The following FAM83E variants were observed in gnomAD, a reference collection of about 807,000 sequenced individuals.
The protein encoded by FAM83E is scaffolding CK1 anchoring protein E.
A neutral mutation model predicts 34.3 loss-of-function variants in FAM83E; 29 were observed. The observed-to-expected ratio is 0.85, with a 90% CI of 0.63 to 1.15. The LOEUF (loss-of-function observed/expected upper bound fraction) is 1.15. FAM83E is among the 50% of genes most tolerant of loss of function. The probability of loss-of-function intolerance (pLI) is 0.00; values close to 1 mark genes in which losing one functional copy is unlikely to be tolerated. For synonymous variants in FAM83E, 312 were observed against 311.6 expected, an observed-to-expected ratio of 1.00 and a Z score of -0.01; for missense variants, 697 against 685.0, an observed-to-expected ratio of 1.02 and a Z score of -0.20.
At chr19:48,612,347 G>A (rs1173401082) in intron 3 of FAM83E, among the ~76,000 whole-genome samples, 2 of 151,944 alleles carry the variant, frequency 1.3e-5, no homozygotes, top group Non-Finnish European at 2.9e-5. Flanking sequence ...TAGGTTCAAG[G>A]GGCATCGATA....
chr19:48,603,718 G>C lies in FAM83E; in HGVS notation c.952C>G (p.Arg318Gly). The stretch of plus-strand genomic sequence containing the variant: ...GGAGGCGACGCGGGGGCCACGGAGC[G>C]GCGGCGGGACACGCGGTGCGGGCTG... ...GRSPHRVSRR[R>G]SVAPASPPPP... The change falls in exon 6 of 7, where the codon CGC (arginine) becomes GGC (glycine). Residue 318 changes from arginine (R) to glycine (G), a missense_variant. Transcript: ENST00000263266. 2.1e-6 allele frequency: 3 copies of C among 1,437,582 alleles called. No individual in the cohort carries two copies. The highest frequency in any genetic ancestry group is 2.7e-6 in the Non-Finnish European group (3 of 1,101,008). 89.1% of individuals were successfully genotyped at this position (1,437,582 alleles called of 1,614,324 possible).
At chr19:48,612,691 C>T (rs1233262558) in intron 3 of FAM83E, among the ~76,000 whole-genome samples, 2 of 152,108 alleles carry the variant, frequency 1.3e-5, no homozygotes, top group Admixed American at 6.6e-5. Flanking sequence ...CGTGAGCCAC[C>T]GCGCCCGGCC....
chr19:48,613,429 CTG>C lies in FAM83E; in HGVS notation c.-59_-58del. 1 of 1,462,188 alleles carries C rather than the reference CTG, an allele frequency of 6.8e-7. No individual in the cohort carries two copies. The highest frequency in any genetic ancestry group is 9.0e-7 in the Non-Finnish European group (1 of 1,108,730). 90.6% of individuals were successfully genotyped at this position (1,462,188 alleles called of 1,614,324 possible). A position where few individuals can be genotyped will look rare whatever the true frequency, so the allele number is the denominator to read the frequency against. On this transcript the variant is annotated 5_prime_UTR_variant, in exon 3 of 7. The change creates a premature stop within an existing upstream ORF in the 5' untranslated region. Transcript: ENST00000263266. ...AGAGGCTGGGTCCCCGGGGGTCTGG[CTG>C]TCTCTGGGGACTGTGATCATCTGGG...
rs529880648 is a variant in FAM83E at position 48,603,825 on chromosome 19, C to T, written c.845G>A (p.Arg282Gln). The change falls in exon 6 of 7, where the codon CGG (arginine) becomes CAG (glutamine). Residue 282 changes from arginine (R) to glutamine (Q), a missense_variant. Physicochemically the swap from Arg to Gln is conservative, Grantham distance 43. Transcript: ENST00000263266. ...EIVDAFSLEF[R>Q]TLYAASCPLP... The stretch of plus-strand genomic sequence containing the variant: ...CGGGCAGGAGGCCGCGTACAGCGTC[C>T]GGAACTCAAGGCTGAAGGCGTCAAC... 40 of 1,608,170 alleles carry T rather than the reference C, an allele frequency of 2.5e-5. No homozygotes were observed. The South Asian group carries it at 2.9e-4, about 12-fold the overall frequency.
At chr19:48,607,180 G>A (rs1482106401) in intron 5 of FAM83E, 1 of 1,613,156 alleles carries the variant, frequency 6.2e-7, no homozygotes, top group South Asian at 1.1e-5. Context: ...CTGCCTGCGA[G>A]CCACCAGCTG....
chr19:48,612,814 G>A lies in FAM83E; in HGVS notation c.465+94C>T, dbSNP rs1974067910. 2.9e-6 allele frequency: 4 copies of A among 1,373,832 alleles called. No homozygotes were observed. In the East Asian group the frequency reaches 7.6e-5, roughly 26 times the overall value. 85.1% of individuals were successfully genotyped at this position (1,373,832 alleles called of 1,614,324 possible). On this transcript the variant is annotated intron_variant, in intron 3 of 6. Coordinates refer to ENST00000263266, the MANE Select transcript of FAM83E (RefSeq NM_017708.4). ...GGGGTATAGGTCCTTTAGGGTAGGG[G>A]TGTGCGCTTGCAAGTCCCAGGAGGA...
intron 5 of FAM83E, 25 bp downstream of exon 5, chr19:48,609,851 G>C: frequency 6.2e-7 from 1 of 1,610,466 alleles, no homozygotes; most frequent in South Asian, 1.1e-5. Context: ...ACGCCGGGAG[G>C]TGGGGGGCGG....
intron 5 of FAM83E, among the ~76,000 whole-genome samples, chr19:48,604,399 C>T (rs991597148): frequency 5.6e-5 from 8 of 143,130 alleles, no homozygotes; most frequent in East Asian, 2.1e-4. Context: ...GGCATGATCT[C>T]GGCTCACTGC....
Position 48,613,218 on chromosome 19 carries a change from C to T in FAM83E, c.155G>A (p.Arg52His), listed in dbSNP as rs369510676. The stretch of plus-strand genomic sequence containing the variant: ...ACTGAGGAAGGGCCACAGCTCCTCG[C>T]GCTGCACGCAGGTCTGGAACGCCTC... ...GAEAFQTCVQ[R>H]EELWPFLSAD... The change falls in exon 3 of 7, where the codon CGC becomes CAC. Residue 52 changes from arginine to histidine, a missense_variant. Transcript: ENST00000263266. 67 of 1,611,018 alleles carry T rather than the reference C, an allele frequency of 4.2e-5. No homozygotes were observed. The highest frequency in any genetic ancestry group is 1.7e-4 in the African/African-American group (13 of 75,054).
Position 48,613,962 on chromosome 19 carries a change from A to G in FAM83E, c.-590T>C, listed in dbSNP as rs1021242346. ...TGACCCTCTCCTTCCACTGTCTGGCAAACGCCAATGGCTTCCGACTGACAG... is the reference window on the plus strand; with the variant it reads ...TGACCCTCTCCTTCCACTGTCTGGCGAACGCCAATGGCTTCCGACTGACAG... On this transcript the variant is annotated 5_prime_UTR_variant, in exon 3 of 7. Coordinates refer to ENST00000263266, the MANE Select transcript of FAM83E (RefSeq NM_017708.4). 7.1e-6 allele frequency: 7 copies of G among 985,264 alleles called. No homozygotes were observed. Among genetic ancestry groups the G allele is most frequent in the Middle Eastern group, 5.2e-4 (1 of 1,936 alleles). The allele number at this position is 985,264 out of a possible 1,614,324, so 61.0% of individuals were successfully genotyped here.
intron 3 of FAM83E, 71 bp downstream of exon 3, chr19:48,612,837 G>T: frequency 6.9e-7 from 1 of 1,455,412 alleles, no homozygotes; most frequent in East Asian, 2.5e-5. Flanking sequence ...AGTCCCAGGA[G>T]GACAAGGGAG....
Position 48,612,983 on chromosome 19 carries a change from C to G in FAM83E, c.390G>C (p.Leu130=), listed in dbSNP as rs1384864153. ...SAWKGITRAQ[L]YTQPPGEGQP... ...GACCCTCTCCAGGAGGCTGGGTGTA[C>G]AGCTGCGCCCGGGTGATGCCTTTCC... The change falls in exon 3 of 7, where the codon CTG becomes CTC. Residue 130 remains leucine, a synonymous_variant. Coordinates refer to ENST00000263266, the MANE Select transcript of FAM83E (RefSeq NM_017708.4). The G allele has an allele frequency of 1.9e-6, 3 of 1,603,174 alleles. No homozygotes were observed. Among genetic ancestry groups the G allele is most frequent in the Non-Finnish European group, 2.6e-6 (3 of 1,175,968 alleles).
chr19:48,613,117 C>T lies in FAM83E; in HGVS notation c.256G>A (p.Glu86Lys), dbSNP rs1233478782. The T allele has an allele frequency of 6.2e-7, 1 of 1,611,348 alleles. No homozygotes were observed. The highest frequency in any genetic ancestry group is 1.7e-5 in the Admixed American group (1 of 59,898). The change falls in exon 3 of 7, where the codon GAG becomes AAG. Residue 86 changes from glutamate (E) to lysine (K), a missense_variant. Transcript: ENST00000263266. ...VAKQEPSGMA[E>K]GATTTDVDAG... ...TCCACATCGGTGGTGGTGGCTCCCT[C>T]TGCCATCCCGCTGGGCTCCTGCTTG... is the stretch of plus-strand genomic sequence containing the variant.
rs747236320 is a variant in FAM83E at position 48,610,582 on chromosome 19, T to A, written c.633+98A>T. 10 of 1,350,472 alleles carry A rather than the reference T, an allele frequency of 7.4e-6. No individual in the cohort carries two copies. In the East Asian group the frequency reaches 2.3e-4, roughly 31 times the overall value. The allele number at this position is 1,350,472 out of a possible 1,614,324, so 83.7% of individuals were successfully genotyped here. A position where few individuals can be genotyped will look rare whatever the true frequency, so the allele number is the denominator to read the frequency against. ...TCCCAGGGGACCATCCCTGCTAGCA[T>A]CCATCTCAATGACCCGGAGCTCCAT... is the stretch of plus-strand genomic sequence containing the variant. On this transcript the variant is annotated intron_variant, in intron 4 of 6. Transcript: ENST00000263266.
intron 6 of FAM83E, 76 bp from the exon 7 acceptor site, chr19:48,601,445 G>A (rs1973814060): frequency 6.6e-7 from 1 of 1,523,032 alleles, no homozygotes; most frequent in Admixed American, 2.1e-5. Context: ...AGGGAAGGCA[G>A]GAGGTGAGGC....
chr19:48,602,702 AAAATATATATATATATATATATATAT>A lies in FAM83E; in HGVS notation c.1176+766_1176+791del, dbSNP rs1164359636. On this transcript the variant is annotated intron_variant, in intron 6 of 6. Transcript: ENST00000263266. Reference sequence around the variant, plus strand: ...ACCCTATCTCAAAAAAAAAAAAAAAAAAATATATATATATATATATATATATATATATATATATATATATATATATA... The same window carrying A: ...ACCCTATCTCAAAAAAAAAAAAAAAAATATATATATATATATATATATATA... 2.1e-3 allele frequency among the ~76,000 whole-genome samples: 88 copies of A among 42,880 alleles called. 14 individuals are homozygous for A. The highest frequency in any genetic ancestry group is 7.0e-3 in the Middle Eastern group (1 of 142). The allele number at this position is 42,880 out of a possible 152,430, so 28.1% of individuals were successfully genotyped here. A position where few individuals can be genotyped will look rare whatever the true frequency, so the allele number is the denominator to read the frequency against.
At chr19:48,611,907 G>C (rs981527055) in intron 3 of FAM83E, among the ~76,000 whole-genome samples, 1 of 152,184 alleles carries the variant, frequency 6.6e-6, no homozygotes, top group African/African-American at 2.4e-5. Flanking sequence ...TCTGGGTCCT[G>C]TGGAATTTTC....
Position 48,614,626 on chromosome 19 carries a change from A to G in FAM83E, c.-1254T>C. On this transcript the variant is annotated splice_region_variant and 5_prime_UTR_variant, in exon 3 of 7. Transcript: ENST00000263266. ...CTGCTTCCTCCAGACCACAGCAGGGAGCTGCAAAGAGAAGAAAGGAGTCAA... is the reference window on the plus strand; with the variant it reads ...CTGCTTCCTCCAGACCACAGCAGGGGGCTGCAAAGAGAAGAAAGGAGTCAA... 2.0e-6 allele frequency: 2 copies of G among 986,106 alleles called. No homozygotes were observed. The highest frequency in any genetic ancestry group is 2.4e-6 in the Non-Finnish European group (2 of 830,550). 61.1% of individuals were successfully genotyped at this position (986,106 alleles called of 1,614,324 possible). A position where few individuals can be genotyped will look rare whatever the true frequency, so the allele number is the denominator to read the frequency against.
In FAM83E at chr19:48,614,420, T is replaced by C; in HGVS notation, c.-1048A>G. On this transcript the variant is annotated 5_prime_UTR_variant, in exon 3 of 7. Transcript: ENST00000263266. ...GCCCCCAGCCTGGTTTCTGCCTAAA[T>C]GCTATCTCCTGCCAGCTACCCGGAC... The C allele has an allele frequency of 1.0e-6, 1 of 985,626 alleles. No homozygotes were observed. The highest frequency in any genetic ancestry group is 1.2e-6 in the Non-Finnish European group (1 of 830,160). 61.1% of individuals were successfully genotyped at this position (985,626 alleles called of 1,614,324 possible).
Sources: allele counts gnomAD v4.1 joint callset (sites outside exome capture counted in the v4.1 genomes callset), GRCh38; gene constraint gnomAD v4.1.1; transcripts MANE v1.5; gene names NCBI Gene and HGNC (gene_info 2026-07-23, HGNC 2026-07-21).